NTM: variants seen among roughly 807,000 people sequenced by gnomAD.
NTM encodes the protein neurotrimin, also known as IgLON family member 2.
NTM carries 13 observed loss-of-function variants against 42.1 expected under a neutral mutation model. That is an observed-to-expected ratio of 0.31 (90% CI 0.20 to 0.49). NTM has a LOEUF of 0.49. Ranked by LOEUF, NTM falls within the 20% of genes least tolerant of loss-of-function variation. The probability of loss-of-function intolerance (pLI) is 0.99; values close to 1 mark genes in which losing one functional copy is unlikely to be tolerated. For synonymous variants in NTM, 187 were observed against 179.2 expected, an observed-to-expected ratio of 1.04 and a Z score of -0.35; for missense variants, 373 against 452.8, an observed-to-expected ratio of 0.82 and a Z score of 1.60.
intron 7 of NTM, among the ~76,000 whole-genome samples, chr11:132,323,207 C>G (rs1195379392): frequency 6.7e-6 from 1 of 148,938 alleles, no homozygotes; most frequent in Non-Finnish European, 1.5e-5. Flanking sequence ...AATAGAGACA[C>G]AAAAAACCCT....
chr11:131,489,330 C>T (rs1304078361), intron 1 of NTM, among the ~76,000 whole-genome samples: 1 of 152,142 alleles, frequency 6.6e-6, no homozygotes, highest in African/African-American at 2.4e-5. Context: ...CTTTGAACTT[C>T]CTTATCCCTT....
intron 2 of NTM, among the ~76,000 whole-genome samples, chr11:132,011,509 A>C (rs1267089718): frequency 6.6e-6 from 1 of 152,174 alleles, no homozygotes; most frequent in African/African-American, 2.4e-5. Context: ...GTTTATGTCT[A>C]ATGTGTTCTT....
intron 1 of NTM, among the ~76,000 whole-genome samples, chr11:131,851,535 G>GTA (rs2045550086): frequency 8.3e-6 from 1 of 119,932 alleles, no homozygotes; most frequent in Non-Finnish European, 1.9e-5. Context: ...AGAATGGCGT[G>GTA]TGTGTGTGTG....
At chr11:131,677,626 T>C (rs1369388597) in intron 1 of NTM, among the ~76,000 whole-genome samples, 1 of 152,216 alleles carries the variant, frequency 6.6e-6, no homozygotes, top group Non-Finnish European at 1.5e-5. Flanking sequence ...CCATGGCTTA[T>C]TGAGCATTTA....
chr11:131,677,527 C>T (rs945226187), intron 1 of NTM, among the ~76,000 whole-genome samples: 4 of 152,170 alleles, frequency 2.6e-5, no homozygotes, highest in Non-Finnish European at 4.4e-5. Context: ...CGGCTGCATA[C>T]GCAGCCATAC....
At chr11:131,684,553 G>A (rs777235822) in intron 1 of NTM, among the ~76,000 whole-genome samples, 11 of 152,204 alleles carry the variant, frequency 7.2e-5, no homozygotes, top group Non-Finnish European at 1.3e-4. Context: ...TGACACAGCC[G>A]CTTCCTTTAT....
At chr11:131,751,135 T>C (rs1163072446) in intron 1 of NTM, among the ~76,000 whole-genome samples, 1 of 152,222 alleles carries the variant, frequency 6.6e-6, no homozygotes, top group South Asian at 2.1e-4. Flanking sequence ...ATCTATTTAT[T>C]TTTTAAATTA....
intron 2 of NTM, among the ~76,000 whole-genome samples, chr11:132,013,761 A>G (rs909796595): frequency 6.6e-6 from 1 of 152,106 alleles, no homozygotes; most frequent in African/African-American, 2.4e-5. Context: ...GTTGATACAT[A>G]GTATTTGTTC....
intron 4 of NTM, among the ~76,000 whole-genome samples, chr11:132,304,035 C>T (rs1337767467): frequency 1.3e-5 from 2 of 152,104 alleles, no homozygotes; most frequent in African/African-American, 4.8e-5. Flanking sequence ...TGATCCCAAA[C>T]TTTTGCCTCT....
At chr11:132,282,441 A>G (rs1259558027) in intron 4 of NTM, among the ~76,000 whole-genome samples, 1 of 152,206 alleles carries the variant, frequency 6.6e-6, no homozygotes, top group Non-Finnish European at 1.5e-5. Flanking sequence ...ATTGTGATGT[A>G]TAATGCTGAT....
chr11:132,174,704 A>G (rs1465571753), intron 3 of NTM, among the ~76,000 whole-genome samples: 4 of 149,216 alleles, frequency 2.7e-5, no homozygotes, highest in African/African-American at 9.9e-5. Context: ...TTGAAATATT[A>G]TTTTTGCTTC....
At position 131,919,836 on chromosome 11, in the gene NTM, G is replaced by C. The variant is rs1186836324; in HGVS notation, c.167+8188G>C. On this transcript the variant is annotated intron_variant, in intron 2 of 8. Coordinates refer to ENST00000683400, the MANE Select transcript of NTM (RefSeq NM_001352005.2). ...TAAACTATTGTAGCTTAAACACTTT[G>C]GCAGATATACCATGTCTTGCTTCTG... Among the ~76,000 whole-genome samples, 3 of 152,024 alleles carry C rather than the reference G, an allele frequency of 2.0e-5. No homozygotes were observed. In the East Asian group the frequency reaches 5.8e-4, roughly 29 times the overall value.
chr11:132,052,791 G>A (rs1469373573), intron 2 of NTM, among the ~76,000 whole-genome samples: 1 of 151,876 alleles, frequency 6.6e-6, no homozygotes, highest in African/African-American at 2.4e-5. Flanking sequence ...GTGTGTGTGT[G>A]TGTGTGTGTG....
At chr11:132,254,884 A>G (rs999482892) in intron 4 of NTM, among the ~76,000 whole-genome samples, 1 of 152,128 alleles carries the variant, frequency 6.6e-6, no homozygotes, top group African/African-American at 2.4e-5. Flanking sequence ...TGTTCTGTGT[A>G]TGATGGGATA....
At chr11:131,589,185 G>GTGTGTGTGTGTGTGTGTT (rs1555158947) in intron 1 of NTM, among the ~76,000 whole-genome samples, 58 of 152,072 alleles carry the variant, frequency 3.8e-4, no homozygotes, top group African/African-American at 1.4e-3. Flanking sequence ...GTGTGTGTGT[G>GTGTGTGTGTGTGTGTGTT]TGTGTGTGTG....
chr11:131,887,195 A>G (rs1021275089), intron 1 of NTM, among the ~76,000 whole-genome samples: 2 of 152,256 alleles, frequency 1.3e-5, no homozygotes, highest in Admixed American at 6.5e-5. Context: ...TATGTTAATT[A>G]GCTTAATTGT....
At chr11:132,215,130 G>A (rs1044595870) in intron 4 of NTM, among the ~76,000 whole-genome samples, 1 of 152,172 alleles carries the variant, frequency 6.6e-6, no homozygotes, top group African/African-American at 2.4e-5. Flanking sequence ...GTGTTCCTTG[G>A]AGAAGAAGAT....
chr11:131,597,517 T>C (rs2059915840), intron 1 of NTM, among the ~76,000 whole-genome samples: 1 of 152,172 alleles, frequency 6.6e-6, no homozygotes, highest in Non-Finnish European at 1.5e-5. Context: ...TCCTCTTTTA[T>C]CCTACCCGGA....
intron 4 of NTM, among the ~76,000 whole-genome samples, chr11:132,236,459 A>G (rs138082983): frequency 1.0e-3 from 159 of 152,248 alleles, no homozygotes; most frequent in African/African-American, 3.4e-3. Flanking sequence ...CGCTTCTCCA[A>G]TTGTAACTTG....
Sources: gnomAD v4.1 joint callset for allele counts (sites outside exome capture counted in the v4.1 genomes callset) on GRCh38, gnomAD v4.1.1 for gene constraint, MANE v1.5 for transcripts, NCBI Gene and HGNC (gene_info 2026-07-23, HGNC 2026-07-21) for gene names.